Variants in HK1 observed in about 807,000 individuals in gnomAD.
HK1 encodes hexokinase-1.
In HK1, 28 loss-of-function variants were observed where a neutral mutation model predicts 91.6. That is an observed-to-expected ratio of 0.31 (90% CI 0.23 to 0.42). The LOEUF (loss-of-function observed/expected upper bound fraction) is 0.42. Among genes scored for constraint, HK1 ranks in the 10% least tolerant of loss-of-function variants. The pLI is 1.00. For synonymous variants in HK1, 430 were observed against 468.1 expected, an observed-to-expected ratio of 0.92 and a Z score of 1.05; for missense variants, 770 against 1,219.8, an observed-to-expected ratio of 0.63 and a Z score of 5.49.
chr10:69,318,271 C>T, upstream of HK1: 2 of 972,972 alleles, frequency 2.1e-6, no homozygotes, highest in Non-Finnish European at 2.4e-6. Context: ...GAGGAAGGCG[C>T]GGGACCCGGG....
Position 69,389,340 on chromosome 10 carries a change from G to A in HK1, c.2035+44G>A, listed in dbSNP as rs148676117. On this transcript the variant is annotated intron_variant, in intron 14 of 17. Coordinates refer to ENST00000359426, the MANE Select transcript of HK1 (RefSeq NM_000188.3). The stretch of plus-strand genomic sequence containing the variant: ...CTCTTTCCCTGCAGAAGGGAAGGCT[G>A]GGGTTTCCCCGTTTTGTGGGGCCTT... 1,093 of 1,442,062 alleles carry A rather than the reference G, an allele frequency of 7.6e-4. 8 individuals carry two copies. In the African/African-American group the frequency reaches 0.013, roughly 17 times the overall value. The allele number at this position is 1,442,062 out of a possible 1,614,324, so 89.3% of individuals were successfully genotyped here.
At chr10:69,351,541 CA>C (rs150964944) in intron 2 of HK1, among the ~76,000 whole-genome samples, 2 of 151,838 alleles carry the variant, frequency 1.3e-5, no homozygotes, top group East Asian at 1.9e-4. Context: ...AAAAACAAAA[CA>C]AAAAAACCCA....
chr10:69,386,461 G>A, intron 13 of HK1, 43 bp downstream of exon 13: 1 of 1,480,842 alleles, frequency 6.8e-7, no homozygotes, highest in Non-Finnish European at 9.4e-7. Context: ...TACTGTTTTA[G>A]GGGCTTCTAA....
At chr10:69,314,065 G>A (rs1846517026), upstream of HK1, among the ~76,000 whole-genome samples, 1 of 152,194 alleles carries the variant, frequency 6.6e-6, no homozygotes, top group Non-Finnish European at 1.5e-5. Context: ...AAGCAGAACT[G>A]TCTGCAACGC....
Position 69,384,712 on chromosome 10 carries a change from T to C in HK1, c.1720-84T>C, listed in dbSNP as rs113188207. ...TGTGGGGTGTGTTTTCCTACGTGTG[T>C]GTGTGTATACACACTTTGGTCCATG... is the stretch of plus-strand genomic sequence containing the variant. On this transcript the variant is annotated intron_variant, in intron 11 of 17. Coordinates refer to ENST00000359426, the MANE Select transcript of HK1 (RefSeq NM_000188.3). The C allele has an allele frequency of 3.2e-3, 4,996 of 1,563,576 alleles. 8 individuals carry two copies. The highest frequency in any genetic ancestry group is 3.9e-3 in the Non-Finnish European group (4,418 of 1,134,612).
chr10:69,280,063 G>A lies in HK1; in HGVS notation c.-390-2466G>A, dbSNP rs187876191. On this transcript the variant is annotated intron_variant, in intron 1 of 21. Coordinates refer to the HK1 transcript ENST00000360289. The stretch of plus-strand genomic sequence containing the variant: ...AGAATCTAGAGAACTAAGGCCAAGG[G>A]AAGCAGGTCAGATGGAGGTAGATTG... 2.8e-3 allele frequency among the ~76,000 whole-genome samples: 425 copies of A among 152,276 alleles called. 2 individuals carry two copies. The highest frequency in any genetic ancestry group is 4.4e-3 in the Non-Finnish European group (297 of 68,024).
intron 1 of HK1, among the ~76,000 whole-genome samples, chr10:69,321,239 A>C (rs1284689448): frequency 2.0e-5 from 3 of 152,140 alleles, no homozygotes; most frequent in African/African-American, 7.2e-5. Context: ...TGATTGCGCC[A>C]CCGCACTCCA....
intron 3 of HK1, among the ~76,000 whole-genome samples, chr10:69,290,838 C>T (rs1049059584): frequency 3.9e-5 from 6 of 152,270 alleles, no homozygotes; most frequent in African/African-American, 1.4e-4. Flanking sequence ...CTGTCCTGTT[C>T]CTAATGCCCA....
Position 69,380,137 on chromosome 10 carries a change from G to T in HK1, c.1265+42G>T. On this transcript the variant is annotated intron_variant, in intron 9 of 17. Transcript: ENST00000359426. This position sits in a 1 kb window ranked among gnomAD's most constrained non-coding sequence, Gnocchi z 4.0. ...CTATCATTGGCACTCTGTACCCATT[G>T]TGGGTAGGGACCTTCTCCAGAGATC... 5.4e-6 allele frequency: 8 copies of T among 1,478,304 alleles called. No individual in the cohort carries two copies. The highest frequency in any genetic ancestry group is 7.6e-6 in the Non-Finnish European group (8 of 1,056,232). 91.6% of individuals were successfully genotyped at this position (1,478,304 alleles called of 1,614,324 possible). A position where few individuals can be genotyped will look rare whatever the true frequency, so the allele number is the denominator to read the frequency against.
intron 1 of HK1, among the ~76,000 whole-genome samples, chr10:69,334,289 G>A (rs1298370111): frequency 6.6e-6 from 1 of 152,174 alleles, no homozygotes; most frequent in African/African-American, 2.4e-5. Flanking sequence ...GATGGTTTTG[G>A]CTTTGGTGAT....
intron 16 of HK1, among the ~76,000 whole-genome samples, chr10:69,396,049 A>G (rs991629827): frequency 2.6e-5 from 4 of 152,192 alleles, no homozygotes; most frequent in Admixed American, 6.5e-5. Flanking sequence ...AAGCAGGTGA[A>G]TCACTTGAGT....
chr10:69,394,790 C>T (rs1042012883), intron 15 of HK1, among the ~76,000 whole-genome samples, 160 bp from the exon 16 acceptor site: 1 of 152,104 alleles, frequency 6.6e-6, no homozygotes. Context: ...CCTTCCTGGT[C>T]CTCCCACTCT....
At chr10:69,392,396 TAGG>T (rs1454510414) in intron 15 of HK1, 88 bp downstream of exon 15, 31 of 1,405,836 alleles carry the variant, frequency 2.2e-5, no homozygotes, top group Non-Finnish European at 3.0e-5. Flanking sequence ...AAGAAGTTTC[TAGG>T]AGGAGAGGTC....
At chr10:69,345,701 C>A (rs531159819) in intron 2 of HK1, among the ~76,000 whole-genome samples, 1 of 152,180 alleles carries the variant, frequency 6.6e-6, no homozygotes, top group East Asian at 1.9e-4. Context: ...TGCCTCCTAC[C>A]CACTGGGCCC....
chr10:69,299,337 T>G (rs375249733), intron 4 of HK1, among the ~76,000 whole-genome samples: 63 of 149,354 alleles, frequency 4.2e-4, no homozygotes, highest in South Asian at 8.5e-4. Context: ...CTGCCCATTT[T>G]TTTGTTTGTT....
intron 2 of HK1, among the ~76,000 whole-genome samples, chr10:69,355,128 G>C (rs1849067161): frequency 6.7e-6 from 1 of 149,800 alleles, no homozygotes; most frequent in African/African-American, 2.5e-5. Flanking sequence ...AGAATTCCTT[G>C]GTTTGTTGTT....
intron 10 of HK1, among the ~76,000 whole-genome samples, chr10:69,383,912 A>AG (rs1353487433): frequency 1.3e-5 from 2 of 152,244 alleles, no homozygotes; most frequent in African/African-American, 4.8e-5. Context: ...GCTAGATCCC[A>AG]GGGGAGGAGA....
In HK1 at chr10:69,379,868, G is replaced by A. The variant is rs1254598146; in HGVS notation, c.1038G>A (p.Lys346=). The change falls in exon 9 of 18, where the codon AAG becomes AAA. Residue 346 remains lysine (K), a synonymous_variant. Coordinates refer to ENST00000359426, the MANE Select transcript of HK1 (RefSeq NM_000188.3). The part of the protein sequence containing the change: ...TSDVSAIEKN[K]EGLHNAKEIL... The stretch of plus-strand genomic sequence containing the variant: ...TTGGCTTCTAACTTCACAGGAATAA[G>A]GAAGGCCTCCACAATGCCAAAGAAA... 5 of 1,610,954 alleles carry A rather than the reference G, an allele frequency of 3.1e-6. No individual in the cohort carries two copies. Among genetic ancestry groups the A allele is most frequent in the Non-Finnish European group, 4.2e-6 (5 of 1,177,106 alleles).
intron 2 of HK1, among the ~76,000 whole-genome samples, chr10:69,354,436 AAGG>A (rs1564535703): frequency 6.6e-6 from 1 of 152,170 alleles, no homozygotes; most frequent in Admixed American, 6.5e-5. Flanking sequence ...AAGCGGCAGG[AAGG>A]AGAAGTGCTG....
Sources: allele counts gnomAD v4.1 joint callset (sites outside exome capture counted in the v4.1 genomes callset), GRCh38; gene constraint gnomAD v4.1.1; non-coding constraint Gnocchi (gnomAD v3.1); transcripts MANE v1.5; gene names NCBI Gene and HGNC (gene_info 2026-07-23, HGNC 2026-07-21).